Variants in DDX10 observed in about 807,000 individuals in gnomAD.
DDX10 encodes the protein probable ATP-dependent RNA helicase DDX10.
A neutral mutation model predicts 104.3 loss-of-function variants in DDX10; 74 were observed. That is an observed-to-expected ratio of 0.71 (90% CI 0.59 to 0.86). DDX10 has a LOEUF of 0.86. Ranked by LOEUF, DDX10 falls within the 40% of genes least tolerant of loss-of-function variation. The probability of loss-of-function intolerance (pLI) is 0.00; values close to 1 mark genes in which losing one functional copy is unlikely to be tolerated. For synonymous variants in DDX10, 351 were observed against 353.4 expected, an observed-to-expected ratio of 0.99 and a Z score of 0.08; for missense variants, 952 against 1,040.0, an observed-to-expected ratio of 0.92 and a Z score of 1.16.
chr11:108,703,891 A>G (rs889826173), intron 9 of DDX10, among the ~76,000 whole-genome samples: 2 of 152,200 alleles, frequency 1.3e-5, no homozygotes, highest in African/African-American at 4.8e-5. Context: ...TGTAATGTAA[A>G]ATAGGTAAAA....
chr11:108,703,844 A>T (rs1350516228), intron 9 of DDX10, among the ~76,000 whole-genome samples: 1 of 152,126 alleles, frequency 6.6e-6, no homozygotes, highest in Non-Finnish European at 1.5e-5. Flanking sequence ...AGCGTGTGGG[A>T]GATAACTTGT....
At chr11:108,685,074 T>G (rs28861690) in intron 6 of DDX10, among the ~76,000 whole-genome samples, 16,794 of 144,954 alleles carry the variant, frequency 0.12, 1,308 homozygotes, top group East Asian at 0.26. Context: ...TAAATTTGTT[T>G]GAGTTCATTG....
chr11:108,772,314 A>G (rs992412674), intron 13 of DDX10, among the ~76,000 whole-genome samples: 5 of 152,200 alleles, frequency 3.3e-5, no homozygotes, highest in African/African-American at 9.6e-5. Context: ...ATAATTTTGG[A>G]TTAGATTAGG....
intron 13 of DDX10, among the ~76,000 whole-genome samples, chr11:108,731,944 T>G (rs1185438918): frequency 6.6e-6 from 1 of 152,188 alleles, no homozygotes; most frequent in Admixed American, 6.5e-5. Context: ...TTTTTGTTGC[T>G]CATGTTTTAG....
intron 13 of DDX10, among the ~76,000 whole-genome samples, chr11:108,809,019 A>T (rs1225879227): frequency 6.6e-6 from 1 of 152,028 alleles, no homozygotes; most frequent in African/African-American, 2.4e-5. Context: ...GTGGAAAATA[A>T]CTTTTTTTTT....
chr11:108,868,304 G>A (rs2134620527), intron 16 of DDX10: 1 of 152,104 alleles, frequency 6.6e-6, no homozygotes, highest in South Asian at 2.1e-4. Flanking sequence ...AACATTATCA[G>A]TATGGCTGGA....
chr11:108,861,058 A>G (rs1226329181), intron 16 of DDX10: 3 of 151,454 alleles, frequency 2.0e-5, no homozygotes, highest in Admixed American at 6.6e-5. Context: ...GGGTGTTACC[A>G]AGAGAGATTA....
intron 13 of DDX10, among the ~76,000 whole-genome samples, chr11:108,749,337 C>T (rs1053687105): frequency 2.0e-5 from 3 of 152,036 alleles, no homozygotes; most frequent in Non-Finnish European, 4.4e-5. Context: ...GATGTTTATA[C>T]TGTTATTGAT....
chr11:108,934,601 A>G (rs1054549673), intron 17 of DDX10, among the ~76,000 whole-genome samples: 1 of 152,234 alleles, frequency 6.6e-6, no homozygotes, highest in Non-Finnish European at 1.5e-5. Context: ...CTGGGAAGGT[A>G]CAATCAGGGA....
intron 16 of DDX10, among the ~76,000 whole-genome samples, chr11:108,864,495 CAG>C (rs1387477949): frequency 1.3e-5 from 2 of 151,926 alleles, no homozygotes; most frequent in African/African-American, 4.8e-5. Context: ...TTTTTGGTGA[CAG>C]GGTCTTACTC....
At chr11:108,772,240 C>T (rs755205460) in intron 13 of DDX10, among the ~76,000 whole-genome samples, 4 of 152,088 alleles carry the variant, frequency 2.6e-5, no homozygotes, top group South Asian at 4.1e-4. Flanking sequence ...TCACAACCTA[C>T]GAATATTACC....
chr11:108,918,214 G>T, intron 17 of DDX10, 196 bp downstream of exon 17: 1 of 591,904 alleles, frequency 1.7e-6, no homozygotes, highest in Non-Finnish European at 2.9e-6. Context: ...GTCATGTTAG[G>T]GCCTTTTTGA....
chr11:108,671,751 A>G (rs562305182), intron 1 of DDX10, among the ~76,000 whole-genome samples: 1 of 152,280 alleles, frequency 6.6e-6, no homozygotes, highest in East Asian at 1.9e-4. Context: ...TAGAACATCA[A>G]CAGAATCAAA....
chr11:108,779,292 G>A (rs1378785455), intron 13 of DDX10, among the ~76,000 whole-genome samples: 1 of 152,174 alleles, frequency 6.6e-6, no homozygotes, highest in Non-Finnish European at 1.5e-5. Context: ...CAACCCAAAT[G>A]TCTATCAATG....
chr11:108,830,396 T>G (rs988415826), intron 13 of DDX10, among the ~76,000 whole-genome samples: 1 of 152,216 alleles, frequency 6.6e-6, no homozygotes, highest in Non-Finnish European at 1.5e-5. Flanking sequence ...ACTTTAATTT[T>G]GTATCCTGAA....
intron 8 of DDX10, among the ~76,000 whole-genome samples, chr11:108,692,751 C>T (rs999903909): frequency 2.6e-5 from 4 of 152,080 alleles, no homozygotes; most frequent in Admixed American, 2.0e-4. Flanking sequence ...ATCTCAGATG[C>T]CATATTTATT....
chr11:108,687,564 A>G (rs1366296558), intron 6 of DDX10, among the ~76,000 whole-genome samples: 2 of 152,050 alleles, frequency 1.3e-5, no homozygotes, highest in Non-Finnish European at 1.5e-5. Context: ...TTTTATCTAC[A>G]TATCCTCTTT....
At chr11:108,745,176 C>CCCCTG (rs1386883757) in intron 13 of DDX10, among the ~76,000 whole-genome samples, 2 of 104,626 alleles carry the variant, frequency 1.9e-5, no homozygotes, top group Non-Finnish European at 4.2e-5. Flanking sequence ...CTTCCTCCCT[C>CCCCTG]CCCTCCCCTC....
chr11:108,818,717 G>A (rs1013771603), intron 13 of DDX10, among the ~76,000 whole-genome samples: 3 of 152,184 alleles, frequency 2.0e-5, no homozygotes, highest in African/African-American at 7.2e-5. Context: ...AGAATATGCT[G>A]TGAATGGTAC....
Sources: gnomAD v4.1 joint callset for allele counts (sites outside exome capture counted in the v4.1 genomes callset) on GRCh38, gnomAD v4.1.1 for gene constraint, MANE v1.5 for transcripts, NCBI Gene and HGNC (gene_info 2026-07-23, HGNC 2026-07-21) for gene names.